CPM: variants seen among roughly 807,000 people sequenced by gnomAD.
CPM encodes carboxypeptidase M, also known as renal carboxypeptidase.
Under a neutral mutation model 46.4 loss-of-function variants are expected in CPM, and 35 were observed. The observed-to-expected ratio is 0.75, with a 90% CI of 0.58 to 1.00. CPM has a LOEUF of 1.00. CPM is among the 50% of genes least tolerant of loss of function. The probability of loss-of-function intolerance (pLI) is 0.00; values close to 1 mark genes in which losing one functional copy is unlikely to be tolerated. For missense variants in CPM, 422 were observed against 530.4 expected, an observed-to-expected ratio of 0.80 and a Z score of 2.01; for synonymous variants, 195 against 195.3, an observed-to-expected ratio of 1.00 and a Z score of 0.01.
chr12:68,954,467 T>C (rs1315767339), intron 1 of CPM, among the ~76,000 whole-genome samples: 2 of 152,120 alleles, frequency 1.3e-5, no homozygotes, highest in Admixed American at 6.5e-5. Flanking sequence ...ACACACACAG[T>C]CTGGATTTTT....
chr12:68,919,566 A>T (rs1400592037), intron 2 of CPM, among the ~76,000 whole-genome samples: 2 of 152,250 alleles, frequency 1.3e-5, no homozygotes, highest in African/African-American at 2.4e-5. Context: ...ACATGGTGTT[A>T]TGCTAGAACT....
chr12:68,842,712 C>A (rs1217255290), intron 5 of CPM: 2 of 196,030 alleles, frequency 1.0e-5, no homozygotes, highest in Admixed American at 5.7e-5. Context: ...GTAAAATTTT[C>A]TTTGCAGTAA....
At chr12:68,957,339 G>T in intron 1 of CPM, 1 of 171,836 alleles carries the variant, frequency 5.8e-6, no homozygotes, top group South Asian at 1.4e-4. Flanking sequence ...AAAAAAAAGT[G>T]GTCATGGACA....
At chr12:68,875,004 G>A (rs759157632) in intron 3 of CPM, among the ~76,000 whole-genome samples, 6 of 152,212 alleles carry the variant, frequency 3.9e-5, no homozygotes, top group Non-Finnish European at 8.8e-5. Flanking sequence ...TTGGTATTCT[G>A]TTAGATACAG....
intron 2 of CPM, among the ~76,000 whole-genome samples, chr12:68,905,753 G>A (rs1020000382): frequency 6.6e-6 from 1 of 152,108 alleles, no homozygotes; most frequent in African/African-American, 2.4e-5. Context: ...GATAAATCCA[G>A]TTCTTCAGAA....
At chr12:68,863,893 A>T (rs1885317799) in intron 7 of CPM, among the ~76,000 whole-genome samples, 4 of 152,234 alleles carry the variant, frequency 2.6e-5, no homozygotes, top group African/African-American at 9.6e-5. Flanking sequence ...ATACCAATAA[A>T]GGGGTGTTTG....
chr12:68,886,103 C>A (rs1302808328), intron 2 of CPM, among the ~76,000 whole-genome samples: 1 of 152,066 alleles, frequency 6.6e-6, no homozygotes, highest in Non-Finnish European at 1.5e-5. Flanking sequence ...ACAAATATTT[C>A]ACTTATTATT....
At chr12:68,929,100 C>G (rs1888396180) in intron 2 of CPM, among the ~76,000 whole-genome samples, 1 of 151,882 alleles carries the variant, frequency 6.6e-6, no homozygotes, top group Non-Finnish European at 1.5e-5. Context: ...TCATTGCTAT[C>G]TATTGATAGT....
At chr12:68,944,364 A>G (rs1888809424) in intron 1 of CPM, among the ~76,000 whole-genome samples, 1 of 152,228 alleles carries the variant, frequency 6.6e-6, no homozygotes, top group Admixed American at 6.5e-5. Context: ...TATTACAGAA[A>G]GAAAATTACA....
Position 68,852,500 on chromosome 12 carries a change from G to A in CPM, c.*3937C>T, listed in dbSNP as rs1047956171. On this transcript the variant is annotated 3_prime_UTR_variant, in exon 9 of 9. Coordinates refer to ENST00000551568, the MANE Select transcript of CPM (RefSeq NM_198320.5). ...TCTCCATTTTACAGATAAAGAAACTGAATGTGTGGCGGATTTGAATCCAGG... is the reference window on the plus strand; with the variant it reads ...TCTCCATTTTACAGATAAAGAAACTAAATGTGTGGCGGATTTGAATCCAGG... 1 of 151,854 alleles carries A rather than the reference G, an allele frequency of 6.6e-6. No individual in the cohort carries two copies. Among genetic ancestry groups the A allele is most frequent in the Non-Finnish European group, 1.5e-5 (1 of 67,970 alleles). The allele number at this position is 151,854 out of a possible 1,614,324, so 9.4% of individuals were successfully genotyped here.
rs567314159 is a variant in CPM, at chr12:68,953,167, G to A, written c.-4+10002C>T. ...ATTGCTCCTACGGAATACTTGGCTCGATATTAGAAAGGAGCTCAAGGTAGT... is the reference window on the plus strand; with the variant it reads ...ATTGCTCCTACGGAATACTTGGCTCAATATTAGAAAGGAGCTCAAGGTAGT... On this transcript the variant is annotated intron_variant, in intron 1 of 8. Coordinates refer to the CPM transcript ENST00000546373. Among the ~76,000 whole-genome samples, 3 of 152,234 alleles carry A rather than the reference G, an allele frequency of 2.0e-5. No individual in the cohort carries two copies. In the South Asian group the frequency reaches 6.2e-4, roughly 32 times the overall value.
chr12:68,940,142 T>TG (rs1014915309), intron 1 of CPM, among the ~76,000 whole-genome samples: 2 of 151,982 alleles, frequency 1.3e-5, no homozygotes, highest in Non-Finnish European at 2.9e-5. Flanking sequence ...TTAAAATTAA[T>TG]TTTTTTAGAG....
At chr12:68,907,062 A>G (rs1158745050) in intron 2 of CPM, among the ~76,000 whole-genome samples, 1 of 152,230 alleles carries the variant, frequency 6.6e-6, no homozygotes, top group Non-Finnish European at 1.5e-5. Flanking sequence ...GCCAGGAACT[A>G]TAGAGCTCAC....
chr12:68,858,063 CTA>C (rs1885051420), intron 8 of CPM, among the ~76,000 whole-genome samples: 1 of 152,146 alleles, frequency 6.6e-6, no homozygotes, highest in Non-Finnish European at 1.5e-5. Context: ...GCTCTGAATT[CTA>C]TAGTTTTATA....
chr12:68,961,107 G>A (rs115920453), intron 1 of CPM, among the ~76,000 whole-genome samples: 115 of 152,246 alleles, frequency 7.6e-4, no homozygotes, highest in African/African-American at 2.6e-3. Flanking sequence ...ATATCAGAAG[G>A]ATGAGAAGAG....
chr12:68,856,346 G>T lies in CPM; in HGVS notation c.*91C>A. ...AAGATCGTGGAGTTTCTCCAGTCAA[G>T]GTCCCACTAGAGTGAGTTAGGGTTG... On this transcript the variant is annotated 3_prime_UTR_variant, in exon 9 of 9. Coordinates refer to ENST00000551568, the MANE Select transcript of CPM (RefSeq NM_198320.5). 1 of 1,389,418 alleles carries T rather than the reference G, an allele frequency of 7.2e-7. No individual in the cohort carries two copies. Among genetic ancestry groups the T allele is most frequent in the African/African-American group, 1.4e-5 (1 of 69,230 alleles). The allele number at this position is 1,389,418 out of a possible 1,614,324, so 86.1% of individuals were successfully genotyped here. A position where few individuals can be genotyped will look rare whatever the true frequency, so the allele number is the denominator to read the frequency against.
chr12:68,930,159 C>A (rs768031586), intron 2 of CPM, among the ~76,000 whole-genome samples: 34 of 152,202 alleles, frequency 2.2e-4, no homozygotes, highest in Admixed American at 5.9e-4. Context: ...TGGCCCACTG[C>A]AACCTCTGCC....
intron 2 of CPM, among the ~76,000 whole-genome samples, chr12:68,906,256 G>T (rs1050672846): frequency 6.6e-6 from 1 of 152,074 alleles, no homozygotes. Context: ...ATTACCTGAG[G>T]TATTTGTAAA....
chr12:68,847,591 C>A (rs1459193772), downstream of CPM: 3 of 150,516 alleles, frequency 2.0e-5, no homozygotes, highest in African/African-American at 7.4e-5. Context: ...GTAGCTGGGA[C>A]TACAGGCGCC....
Sources: allele counts gnomAD v4.1 joint callset (sites outside exome capture counted in the v4.1 genomes callset), GRCh38; gene constraint gnomAD v4.1.1; transcripts MANE v1.5; gene names NCBI Gene and HGNC (gene_info 2026-07-23, HGNC 2026-07-21).